The following FER variants were observed in gnomAD, a reference collection of about 807,000 sequenced individuals.
FER encodes FER tyrosine kinase.
FER carries 63 observed loss-of-function variants against 111.0 expected under a neutral mutation model. That is an observed-to-expected ratio of 0.57 (90% confidence interval 0.46 to 0.70). FER has a LOEUF of 0.70. FER is among the 30% of genes least tolerant of loss of function. The pLI, the probability that FER is intolerant of heterozygous loss-of-function variation, is 0.00. For synonymous variants in FER, 327 were observed against 313.9 expected (o/e 1.04, Z -0.44); for missense variants, 914 against 954.0 (o/e 0.96, Z 0.55).
At chr5:108,847,254 T>G (rs114578914) in intron 5 of FER, among the ~76,000 whole-genome samples, 2,583 of 151,930 alleles carry the variant, frequency 0.017, 26 homozygotes, top group Non-Finnish European at 0.029. Context: ...TATTTTTTTG[T>G]GTGTGTTTTT....
chr5:108,918,250 G>A (rs771941441), intron 10 of FER, among the ~76,000 whole-genome samples: 1 of 152,232 alleles, frequency 6.6e-6, no homozygotes, highest in African/African-American at 2.4e-5. Context: ...TTTCTTACTG[G>A]AGGCTTTCAT....
At chr5:109,120,549 G>T (rs887247965) in intron 17 of FER, among the ~76,000 whole-genome samples, 3 of 152,022 alleles carry the variant, frequency 2.0e-5, no homozygotes, top group Non-Finnish European at 4.4e-5. Context: ...CTCCAATTCT[G>T]TTCTTTTTGC....
In FER at chr5:109,166,928, T is replaced by C. The variant is rs150533939; in HGVS notation, c.2049-13819T>C. On this transcript the variant is annotated intron_variant, in intron 17 of 19. Coordinates refer to ENST00000281092, the MANE Select transcript of FER (RefSeq NM_005246.4). Reference sequence around the variant, plus strand: ...ACACTCCAGAACTTCATACCATCACTTCTACCACATTCTGCTAGGTTAGCC... The same window carrying C: ...ACACTCCAGAACTTCATACCATCACCTCTACCACATTCTGCTAGGTTAGCC... 3.0e-3 allele frequency among the ~76,000 whole-genome samples: 455 copies of C among 151,650 alleles called. 1 individual carries two copies. The highest frequency in any genetic ancestry group is 9.5e-3 in the African/African-American group (392 of 41,302).
chr5:109,011,259 T>C (rs778758013), intron 13 of FER, among the ~76,000 whole-genome samples: 2 of 152,122 alleles, frequency 1.3e-5, no homozygotes, highest in Non-Finnish European at 2.9e-5. Context: ...ATTGAGAAGA[T>C]GTAAATATCA....
chr5:108,957,908 CAT>C (rs1758643358), intron 12 of FER, among the ~76,000 whole-genome samples: 1 of 151,504 alleles, frequency 6.6e-6, no homozygotes, highest in Non-Finnish European at 1.5e-5. Flanking sequence ...CACCTAGAAA[CAT>C]ATATTATTAG....
intron 10 of FER, among the ~76,000 whole-genome samples, chr5:108,901,869 T>C (rs1750076025): frequency 6.6e-6 from 1 of 152,160 alleles, no homozygotes; most frequent in Non-Finnish European, 1.5e-5. Flanking sequence ...AAGGATTGTT[T>C]AAGGTGTGTA....
In FER at chr5:109,057,699, A is replaced by T. The variant is rs562480443; in HGVS notation, c.1924+10501A>T. On this transcript the variant is annotated intron_variant, in intron 16 of 19. Coordinates refer to ENST00000281092, the MANE Select transcript of FER (RefSeq NM_005246.4). ...TCATGAAGATATAAAGAACCTGCAT[A>T]GTACCATATCTTTTAAGAATTGAAT... Among the ~76,000 whole-genome samples, 13 of 152,334 alleles carry T rather than the reference A, an allele frequency of 8.5e-5. No individual in the cohort carries two copies. The South Asian group carries it at 2.7e-3, about 32-fold the overall frequency.
intron 13 of FER, among the ~76,000 whole-genome samples, chr5:108,986,722 T>C (rs917852445): frequency 6.6e-6 from 1 of 152,172 alleles, no homozygotes; most frequent in African/African-American, 2.4e-5. Context: ...CCACTTTATG[T>C]TTTTGTTTGC....
At chr5:109,093,097 G>A (rs975399722) in intron 16 of FER, among the ~76,000 whole-genome samples, 1 of 152,144 alleles carries the variant, frequency 6.6e-6, no homozygotes, top group Non-Finnish European at 1.5e-5. Context: ...ACCAGGGATT[G>A]CAAGGAAGGG....
chr5:109,021,327 T>G (rs1271390923), intron 13 of FER, among the ~76,000 whole-genome samples: 1 of 152,046 alleles, frequency 6.6e-6, no homozygotes, highest in Non-Finnish European at 1.5e-5. Flanking sequence ...TCTGGATGCT[T>G]CTTTTAGTGT....
At chr5:109,062,205 T>C (rs1439632338) in intron 16 of FER, among the ~76,000 whole-genome samples, 3 of 152,138 alleles carry the variant, frequency 2.0e-5, no homozygotes, top group Non-Finnish European at 2.9e-5. Flanking sequence ...CTTTTAAAAG[T>C]GACAAGCTAT....
intron 10 of FER, among the ~76,000 whole-genome samples, chr5:108,932,269 G>A (rs533577295): frequency 5.9e-5 from 9 of 152,238 alleles, no homozygotes; most frequent in Non-Finnish European, 7.4e-5. Context: ...AGAACATGCG[G>A]TGTTTGGTTT....
chr5:108,966,199 T>A (rs1759790063), intron 13 of FER, among the ~76,000 whole-genome samples: 1 of 151,650 alleles, frequency 6.6e-6, no homozygotes. Flanking sequence ...CTTCTATACA[T>A]TTTTTTTGCC....
Position 108,844,996 on chromosome 5 carries a change from G to GTATA in FER, c.481+9230_481+9233dup, listed in dbSNP as rs1178206742. On this transcript the variant is annotated intron_variant, in intron 5 of 19. Transcript: ENST00000281092. ...TTGTTCATTGCTGGTGTGTGTGTGT[G>GTATA]TATATATATATATATATATATATAT... 3.4e-3 allele frequency among the ~76,000 whole-genome samples: 100 copies of GTATA among 29,226 alleles called. 1 individual carries two copies. Among genetic ancestry groups the GTATA allele is most frequent in the Non-Finnish European group, 5.7e-3 (81 of 14,282 alleles). 19.2% of individuals were successfully genotyped at this position (29,226 alleles called of 152,430 possible).
At chr5:109,143,895 G>A (rs903921172) in intron 17 of FER, among the ~76,000 whole-genome samples, 21 of 150,670 alleles carry the variant, frequency 1.4e-4, no homozygotes, top group African/African-American at 5.1e-4. Context: ...ATCTATCTTG[G>A]GGTCAGCACC....
intron 2 of FER, chr5:108,785,451 C>A (rs1580512933): frequency 1.7e-6 from 1 of 579,396 alleles, no homozygotes. Flanking sequence ...AAGGCAGAAC[C>A]ACCCCAGTGT....
chr5:109,076,230 A>T (rs187528476), intron 16 of FER, among the ~76,000 whole-genome samples: 10 of 152,182 alleles, frequency 6.6e-5, no homozygotes, highest in African/African-American at 2.4e-4. Flanking sequence ...ATCTTCTATC[A>T]TGTAACAAAA....
At chr5:108,964,373 GTA>G (rs1405709045) in intron 13 of FER, among the ~76,000 whole-genome samples, 23 of 152,252 alleles carry the variant, frequency 1.5e-4, no homozygotes, top group African/African-American at 5.1e-4. Context: ...CTGTGTGGTT[GTA>G]TAAAGGGGTA....
At chr5:108,791,570 T>C (rs969000898) in intron 2 of FER, among the ~76,000 whole-genome samples, 2 of 135,686 alleles carry the variant, frequency 1.5e-5, no homozygotes, top group African/African-American at 5.8e-5. Flanking sequence ...TATATACATA[T>C]ATATGATATA....
Sources: gnomAD v4.1 joint callset for allele counts (sites outside exome capture counted in the v4.1 genomes callset) on GRCh38, gnomAD v4.1.1 for gene constraint, MANE v1.5 for transcripts, NCBI Gene and HGNC (gene_info 2026-07-23, HGNC 2026-07-21) for gene names.